SRD5A2: variants seen among roughly 807,000 people sequenced by gnomAD.
SRD5A2 encodes the protein 3-oxo-5-alpha-steroid 4-dehydrogenase 2.
Under a neutral mutation model 27.4 loss-of-function variants are expected in SRD5A2, and 30 were observed. The ratio of observed to expected loss-of-function variants is 1.10; its 90% confidence interval spans 0.82 to 1.49. The LOEUF (loss-of-function observed/expected upper bound fraction) is 1.49, where lower values mean the gene tolerates loss of function less well. SRD5A2 is among the 40% of genes most tolerant of loss of function. The probability of loss-of-function intolerance (pLI) is 0.00; values close to 1 mark genes in which losing one functional copy is unlikely to be tolerated. For synonymous variants in SRD5A2, 141 were observed against 133.6 expected (o/e 1.06, Z -0.38); for missense variants, 348 against 323.4 (o/e 1.08, Z -0.58).
chr2:31,580,875 G>A lies in SRD5A2; in HGVS notation c.26C>T (p.Pro9Leu). 1 of 1,609,418 alleles carries A rather than the reference G, an allele frequency of 6.2e-7. No homozygotes were observed. Among genetic ancestry groups the A allele is most frequent in the Admixed American group, 1.7e-5 (1 of 59,950 alleles). ...CAAAGTGGCGCTGCCTGCCAGCACT[G>A]GGCTCTGCTGGCACTGAACCTGCAT... The part of the protein sequence containing the change: MQVQCQQS[P>L]VLAGSATLVA... The change falls in exon 1 of 5, where the codon CCA (proline) becomes CTA (leucine). Residue 9 changes from proline (P) to leucine (L), a missense_variant. Coordinates refer to ENST00000622030, the MANE Select transcript of SRD5A2 (RefSeq NM_000348.4).
At chr2:31,566,269 T>C (rs1316813258) in intron 1 of SRD5A2, among the ~76,000 whole-genome samples, 1 of 152,082 alleles carries the variant, frequency 6.6e-6, no homozygotes, top group African/African-American at 2.4e-5. Flanking sequence ...AGTCTCCATT[T>C]ATAACCTTGG....
At chr2:31,620,021 A>G in the SRD5A2 span, among the ~76,000 whole-genome samples, 2 of 152,230 alleles carry the variant, frequency 1.3e-5, no homozygotes, top group Non-Finnish European at 2.9e-5. Flanking sequence ...GTCAGTGCCT[A>G]TGTCCTGAAT....
chr2:31,562,206 G>A (rs1338917066), intron 1 of SRD5A2, among the ~76,000 whole-genome samples: 2 of 152,032 alleles, frequency 1.3e-5, no homozygotes, highest in East Asian at 3.9e-4. Flanking sequence ...GTGCAGCCCA[G>A]GTTTACAGGT....
chr2:31,629,450 A>G, the SRD5A2 span, among the ~76,000 whole-genome samples: 1,687 of 152,242 alleles, frequency 0.011, 35 homozygotes, highest in African/African-American at 0.038. Context: ...ATTCTGTCCT[A>G]TCCTTCCTTA....
chr2:31,644,617 C>T, the SRD5A2 span, among the ~76,000 whole-genome samples: 1 of 152,188 alleles, frequency 6.6e-6, no homozygotes, highest in East Asian at 1.9e-4. Flanking sequence ...GCCTGCGGCT[C>T]ACCTCCTGCT....
chr2:31,607,435 T>C, the SRD5A2 span, among the ~76,000 whole-genome samples: 1 of 151,926 alleles, frequency 6.6e-6, no homozygotes, highest in Admixed American at 6.6e-5. Context: ...AGCAGCATTC[T>C]GATCAACAGC....
chr2:31,593,158 C>T, the SRD5A2 span, among the ~76,000 whole-genome samples: 3 of 151,788 alleles, frequency 2.0e-5, no homozygotes, highest in African/African-American at 4.9e-5. Context: ...ATACCTAATG[C>T]TAAATGACGA....
At chr2:31,579,780 G>A (rs775010380) in intron 1 of SRD5A2, among the ~76,000 whole-genome samples, 1 of 152,192 alleles carries the variant, frequency 6.6e-6, no homozygotes, top group Non-Finnish European at 1.5e-5. Flanking sequence ...ACTTTACTGA[G>A]GCTGGACAGT....
the SRD5A2 span, among the ~76,000 whole-genome samples, chr2:31,595,485 C>A: frequency 6.6e-6 from 1 of 152,072 alleles, no homozygotes; most frequent in East Asian, 1.9e-4. Context: ...CAATATACAA[C>A]CCTCCCAGAT....
At chr2:31,650,208 C>T in the SRD5A2 span, among the ~76,000 whole-genome samples, 1 of 152,124 alleles carries the variant, frequency 6.6e-6, no homozygotes, top group African/African-American at 2.4e-5. Context: ...TTGCTAGCAC[C>T]TTTTGTATTT....
the SRD5A2 span, among the ~76,000 whole-genome samples, chr2:31,644,813 G>A: frequency 6.6e-6 from 1 of 152,186 alleles, no homozygotes; most frequent in Non-Finnish European, 1.5e-5. Context: ...GAAAGAGAAT[G>A]TATTTGTTCC....
the SRD5A2 span, among the ~76,000 whole-genome samples, chr2:31,604,982 C>T: frequency 6.6e-6 from 1 of 151,678 alleles, no homozygotes; most frequent in Non-Finnish European, 1.5e-5. Flanking sequence ...GAATAGAGAA[C>T]CTAGAAACAA....
At chr2:31,620,340 A>G in the SRD5A2 span, among the ~76,000 whole-genome samples, 1 of 152,080 alleles carries the variant, frequency 6.6e-6, no homozygotes, top group Non-Finnish European at 1.5e-5. Context: ...TGGCCAGGGC[A>G]ATGAGGCAAG....
intron 2 of SRD5A2, 108 bp from the exon 3 acceptor site, chr2:31,531,580 T>A (rs2148065374): frequency 3.9e-5 from 22 of 568,258 alleles, no homozygotes; most frequent in Non-Finnish European, 5.4e-5. Context: ...AATTTCTAAA[T>A]CTAAGAATGG....
At chr2:31,661,779 C>T in the SRD5A2 span, among the ~76,000 whole-genome samples, 3,068 of 152,222 alleles carry the variant, frequency 0.02, 51 homozygotes, top group Middle Eastern at 0.082. Context: ...TCTCCCTCAC[C>T]TCTCCTTCTG....
the SRD5A2 span, among the ~76,000 whole-genome samples, chr2:31,597,179 T>C: frequency 2.6e-5 from 4 of 152,024 alleles, no homozygotes; most frequent in African/African-American, 9.7e-5. Flanking sequence ...CAAATACTTA[T>C]AGCCAACTGA....
chr2:31,627,169 A>G, the SRD5A2 span, among the ~76,000 whole-genome samples: 2 of 151,964 alleles, frequency 1.3e-5, no homozygotes, highest in Non-Finnish European at 2.9e-5. Flanking sequence ...GTATTATCTC[A>G]TGGTAGTTTG....
the SRD5A2 span, among the ~76,000 whole-genome samples, chr2:31,599,109 G>C: frequency 6.6e-6 from 1 of 151,902 alleles, no homozygotes; most frequent in African/African-American, 2.4e-5. Flanking sequence ...TTCAACAAGA[G>C]GATGTAACAA....
At chr2:31,542,386 C>T (rs768220933) in intron 1 of SRD5A2, among the ~76,000 whole-genome samples, 5 of 152,096 alleles carry the variant, frequency 3.3e-5, no homozygotes, top group Admixed American at 2.6e-4. Flanking sequence ...ATGGCACACA[C>T]CTGTAGTCCT....
Sources: gnomAD v4.1 joint callset for allele counts (sites outside exome capture counted in the v4.1 genomes callset) on GRCh38, gnomAD v4.1.1 for gene constraint, MANE v1.5 for transcripts, NCBI Gene and HGNC (gene_info 2026-07-23, HGNC 2026-07-21) for gene names.